Variants in CCNY observed in about 807,000 individuals in gnomAD.
CCNY encodes the protein cyclin Y.
CCNY carries 19 observed loss-of-function variants against 42.8 expected under a neutral mutation model. The ratio of observed to expected loss-of-function variants is 0.44; its 90% confidence interval spans 0.31 to 0.65. The LOEUF is 0.65. Among genes scored for constraint, CCNY ranks in the 30% least tolerant of loss-of-function variants. The probability of loss-of-function intolerance (pLI) is 0.07; values close to 1 mark genes in which losing one functional copy is unlikely to be tolerated. For synonymous variants in CCNY, 165 were observed against 162.7 expected (o/e 1.01, Z -0.11); for missense variants, 370 against 437.3 (o/e 0.85, Z 1.37).
chr10:35,490,900 C>G (rs891282066), intron 2 of CCNY, among the ~76,000 whole-genome samples: 15 of 152,348 alleles, frequency 9.8e-5, no homozygotes, highest in African/African-American at 3.6e-4. Flanking sequence ...CATCACACCT[C>G]AGCCCATTTG....
At chr10:35,260,820 G>C (rs16935948) in intron 3 of CCNY, among the ~76,000 whole-genome samples, 55,584 of 152,108 alleles carry the variant, frequency 0.37, 10,666 homozygotes, top group African/African-American at 0.49. Flanking sequence ...GGCTTGGTGT[G>C]TTAAGTGTGT....
At chr10:35,391,429 G>A (rs909107535) in intron 1 of CCNY, among the ~76,000 whole-genome samples, 3 of 152,156 alleles carry the variant, frequency 2.0e-5, no homozygotes, top group Admixed American at 1.3e-4. Flanking sequence ...GCAGATGACC[G>A]GAATGAGTCA....
chr10:35,442,151 A>G (rs191451268), intron 1 of CCNY, among the ~76,000 whole-genome samples: 3 of 152,230 alleles, frequency 2.0e-5, no homozygotes, highest in Admixed American at 1.3e-4. Context: ...CATGACCCAC[A>G]GAGTGTTGCC....
intron 5 of CCNY, 30 bp downstream of exon 5, chr10:35,526,029 C>T: frequency 6.3e-7 from 1 of 1,583,650 alleles, no homozygotes; most frequent in East Asian, 2.2e-5. Flanking sequence ...CTAAAAACAT[C>T]ATACGTTATC....
chr10:35,467,989 A>T lies in CCNY; in HGVS notation c.155-15415A>T, dbSNP rs1162460926. On this transcript the variant is annotated intron_variant, in intron 1 of 9. Transcript: ENST00000374704. The stretch of plus-strand genomic sequence containing the variant: ...ATCTAACCTGCAGTTTAACTCATCT[A>T]TTGAATTGTAGATTTCATTGACCAT... Among the ~76,000 whole-genome samples, 3 of 152,174 alleles carry T rather than the reference A, an allele frequency of 2.0e-5. No individual in the cohort carries two copies. The East Asian group carries it at 5.8e-4, about 29-fold the overall frequency.
At chr10:35,252,970 T>C (rs1473192511) in intron 3 of CCNY, among the ~76,000 whole-genome samples, 1 of 152,146 alleles carries the variant, frequency 6.6e-6, no homozygotes, top group Non-Finnish European at 1.5e-5. Flanking sequence ...AAATATTCCA[T>C]ACAATTTTAC....
chr10:35,335,305 A>G (rs552171410), upstream of CCNY, among the ~76,000 whole-genome samples: 1 of 152,190 alleles, frequency 6.6e-6, no homozygotes, highest in African/African-American at 2.4e-5. Flanking sequence ...TGTTCCCAAC[A>G]TGACAAAACC....
At chr10:35,417,822 C>T (rs925164601) in intron 1 of CCNY, among the ~76,000 whole-genome samples, 1 of 152,180 alleles carries the variant, frequency 6.6e-6, no homozygotes, top group African/African-American at 2.4e-5. Context: ...GGTCTCTAAT[C>T]CTGTCTCTGG....
chr10:35,506,560 C>G (rs184628986), intron 3 of CCNY, among the ~76,000 whole-genome samples: 1 of 152,252 alleles, frequency 6.6e-6, no homozygotes, highest in Admixed American at 6.5e-5. Context: ...TTCTTCTTCA[C>G]CCCTTCTTCC....
At chr10:35,369,997 T>G (rs1245102820) in intron 1 of CCNY, among the ~76,000 whole-genome samples, 1 of 152,226 alleles carries the variant, frequency 6.6e-6, no homozygotes, top group African/African-American at 2.4e-5. Context: ...GACATGCATT[T>G]TTTAGTAAGC....
At chr10:35,488,354 GTCC>G (rs1315802819) in intron 2 of CCNY, among the ~76,000 whole-genome samples, 1 of 152,200 alleles carries the variant, frequency 6.6e-6, no homozygotes, top group East Asian at 1.9e-4. Flanking sequence ...CACCCTTTTT[GTCC>G]TCCTCTTATC....
intron 1 of CCNY, among the ~76,000 whole-genome samples, chr10:35,443,963 A>G (rs997075780): frequency 5.4e-5 from 8 of 148,200 alleles, no homozygotes; most frequent in Non-Finnish European, 1.0e-4. Flanking sequence ...ACACAGCCAT[A>G]GGGTGGACGT....
intron 3 of CCNY, among the ~76,000 whole-genome samples, chr10:35,253,769 C>T (rs1037971321): frequency 6.6e-6 from 1 of 152,040 alleles, no homozygotes; most frequent in African/African-American, 2.4e-5. Context: ...GTTGGAAATA[C>T]CTGTTGAGTC....
chr10:35,387,440 C>T (rs935108352), intron 1 of CCNY, among the ~76,000 whole-genome samples: 3 of 152,178 alleles, frequency 2.0e-5, no homozygotes, highest in Admixed American at 6.5e-5. Context: ...CGCCATGAGA[C>T]TGCCTGCTCC....
chr10:35,471,573 A>G (rs1048676698), intron 1 of CCNY, among the ~76,000 whole-genome samples: 4 of 152,228 alleles, frequency 2.6e-5, no homozygotes, highest in African/African-American at 9.6e-5. Context: ...GCCGAATTAA[A>G]CTGTGCCACA....
chr10:35,361,509 C>T (rs1327078013), intron 1 of CCNY, among the ~76,000 whole-genome samples: 1 of 151,796 alleles, frequency 6.6e-6, no homozygotes, highest in Non-Finnish European at 1.5e-5. Context: ...TTTTGTTTGC[C>T]TGTGGGGGGC....
chr10:35,443,449 T>C (rs942449177), intron 1 of CCNY, among the ~76,000 whole-genome samples: 2 of 152,262 alleles, frequency 1.3e-5, no homozygotes, highest in African/African-American at 4.8e-5. Flanking sequence ...TTTAAACTTT[T>C]TTGTTAAAAA....
intron 1 of CCNY, among the ~76,000 whole-genome samples, chr10:35,367,892 G>T (rs982222844): frequency 6.6e-6 from 1 of 152,224 alleles, no homozygotes; most frequent in African/African-American, 2.4e-5. Context: ...TGAGGCACAA[G>T]AAGTAGTCAC....
chr10:35,250,193 CA>C (rs71523370), intron 2 of CCNY, among the ~76,000 whole-genome samples: 221 of 77,790 alleles, frequency 2.8e-3, no homozygotes, highest in Non-Finnish European at 3.8e-3. Flanking sequence ...GACTCCATCT[CA>C]AAAAAAAAAA....
Sources: gnomAD v4.1 joint callset for allele counts (sites outside exome capture counted in the v4.1 genomes callset) on GRCh38, gnomAD v4.1.1 for gene constraint, MANE v1.5 for transcripts, NCBI Gene and HGNC (gene_info 2026-07-23, HGNC 2026-07-21) for gene names.